Variants in PSD3 observed in about 807,000 individuals in gnomAD.
The protein encoded by PSD3 is pleckstrin and Sec7 domain containing 3.
A neutral mutation model predicts 105.5 loss-of-function variants in PSD3; 49 were observed. That is an observed-to-expected ratio of 0.46 (90% CI 0.37 to 0.59). The LOEUF is 0.59. PSD3 is among the 20% of genes least tolerant of loss of function. PSD3 has a pLI of 0.00. For missense variants in PSD3, 1,561 were observed against 1,263.8 expected, an observed-to-expected ratio of 1.24 and a Z score of -3.57; for synonymous variants, 557 against 457.8, an observed-to-expected ratio of 1.22 and a Z score of -2.77.
chr8:18,666,060 CT>C (rs971159201), intron 9 of PSD3, among the ~76,000 whole-genome samples: 7 of 151,210 alleles, frequency 4.6e-5, no homozygotes, highest in South Asian at 2.1e-4. Context: ...GTAAACATAC[CT>C]TTTTTTTTGA....
intron 8 of PSD3, among the ~76,000 whole-genome samples, chr8:18,770,336 C>T (rs1442915255): frequency 1.3e-5 from 2 of 151,932 alleles, no homozygotes; most frequent in Non-Finnish European, 2.9e-5. Context: ...TTTTATTATT[C>T]AGTTGTAAGA....
At chr8:19,029,614 G>A (rs1417472998) in intron 1 of PSD3, among the ~76,000 whole-genome samples, 4 of 152,090 alleles carry the variant, frequency 2.6e-5, no homozygotes, top group African/African-American at 9.7e-5. Context: ...AGTATCAAGA[G>A]AACAGCATGA....
intron 1 of PSD3, among the ~76,000 whole-genome samples, chr8:18,960,718 G>T (rs1378304146): frequency 6.6e-6 from 1 of 152,120 alleles, no homozygotes; most frequent in Non-Finnish European, 1.5e-5. Flanking sequence ...TTAAAGAGCT[G>T]AAAATGAGGC....
At chr8:18,914,017 G>T (rs1191675716) in intron 2 of PSD3, among the ~76,000 whole-genome samples, 1 of 151,966 alleles carries the variant, frequency 6.6e-6, no homozygotes, top group East Asian at 1.9e-4. Context: ...AGTAAACCCA[G>T]GCTCCAGACT....
At chr8:19,052,657 A>G (rs758397923) in intron 1 of PSD3, among the ~76,000 whole-genome samples, 16 of 152,094 alleles carry the variant, frequency 1.1e-4, no homozygotes, top group Non-Finnish European at 1.6e-4. Context: ...GCTAATTCGG[A>G]AGTCCAAGTT....
chr8:18,606,285 A>C (rs185185742), intron 11 of PSD3, among the ~76,000 whole-genome samples: 25 of 151,968 alleles, frequency 1.6e-4, no homozygotes, highest in Non-Finnish European at 3.4e-4. Context: ...TTGTGTGCTA[A>C]ATGCTGTGTA....
intron 2 of PSD3, among the ~76,000 whole-genome samples, chr8:18,902,007 CAAAAAAG>C (rs1177604611): frequency 1.3e-5 from 2 of 149,724 alleles, no homozygotes; most frequent in African/African-American, 2.5e-5. Context: ...GTGCCTCAGG[CAAAAAAG>C]AAAAAAGAAA....
chr8:18,570,535 C>T (rs890758042), intron 14 of PSD3, among the ~76,000 whole-genome samples: 9 of 148,996 alleles, frequency 6.0e-5, no homozygotes, highest in African/African-American at 2.0e-4. Context: ...AACAGGCAAC[C>T]TATAAAATGG....
chr8:19,075,026 A>G (rs1829421137), intron 1 of PSD3, among the ~76,000 whole-genome samples: 2 of 151,626 alleles, frequency 1.3e-5, no homozygotes, highest in East Asian at 1.9e-4. Flanking sequence ...GCTCACTACA[A>G]ACTCTGCCTC....
intron 2 of PSD3, among the ~76,000 whole-genome samples, chr8:18,920,017 TA>T (rs11288084): frequency 0.078 from 8,895 of 114,572 alleles, 740 homozygotes; most frequent in African/African-American, 0.24. Context: ...ATAAATAAAT[TA>T]AAAAAAAAAA....
At chr8:18,858,603 CTTTA>C (rs1816206853) in intron 4 of PSD3, among the ~76,000 whole-genome samples, 1 of 152,124 alleles carries the variant, frequency 6.6e-6, no homozygotes. Flanking sequence ...CTTGCCACTG[CTTTA>C]TTAAGTTTAT....
chr8:18,593,506 A>C (rs890468406), intron 12 of PSD3, among the ~76,000 whole-genome samples: 1 of 152,148 alleles, frequency 6.6e-6, no homozygotes, highest in Non-Finnish European at 1.5e-5. Context: ...AGAAATAGGA[A>C]CACTTTTACA....
intron 11 of PSD3, among the ~76,000 whole-genome samples, chr8:18,614,955 T>C (rs1805547293): frequency 6.6e-6 from 1 of 152,124 alleles, no homozygotes; most frequent in Non-Finnish European, 1.5e-5. Flanking sequence ...ATAAAGTATA[T>C]CTGACTGAAG....
chr8:18,563,046 T>C lies in PSD3; in HGVS notation c.2785-6694A>G, dbSNP rs529188587. ...TACGTCATATGCTTAGCACAAAATA[T>C]ACCCTGACCTTTGTGTGAGTTTTAT... On this transcript the variant is annotated intron_variant, in intron 14 of 15. Transcript: ENST00000327040. Among the ~76,000 whole-genome samples, 9 of 152,318 alleles carry C rather than the reference T, an allele frequency of 5.9e-5. No homozygotes were observed. In the South Asian group the frequency reaches 1.0e-3, roughly 18 times the overall value.
At chr8:18,942,412 T>C (rs1352067388) in intron 1 of PSD3, among the ~76,000 whole-genome samples, 2 of 152,104 alleles carry the variant, frequency 1.3e-5, no homozygotes, top group Non-Finnish European at 2.9e-5. Flanking sequence ...ACAACTTAAG[T>C]GCAGACAGGG....
rs542930851 is a variant in PSD3, at chr8:19,038,091, G to A, written c.324+46115C>T. 2.6e-5 allele frequency among the ~76,000 whole-genome samples: 4 copies of A among 152,008 alleles called. No individual in the cohort carries two copies. In the South Asian group the frequency reaches 8.3e-4, roughly 32 times the overall value. On this transcript the variant is annotated intron_variant, in intron 1 of 1. Transcript: ENST00000521475. ...TGAATCCTGATCTATCCTTAGCCCT[G>A]TGCAGTGCTTATCAAACCATATCAC... is the stretch of plus-strand genomic sequence containing the variant.
rs887181329 is a variant in PSD3, at chr8:18,529,670, TCTAG to T, written c.*6069_*6072del. The T allele has an allele frequency of 3.3e-5, 5 of 152,650 alleles. No individual in the cohort carries two copies. Among genetic ancestry groups the T allele is most frequent in the Non-Finnish European group, 5.9e-5 (4 of 68,038 alleles). The allele number at this position is 152,650 out of a possible 1,614,324, so 9.5% of individuals were successfully genotyped here. Reference sequence around the variant, plus strand: ...AATCAATGTGCATATATATACTCTCTCTAGAGTAGATATTATTATCCATATCAAA... The same window carrying T: ...AATCAATGTGCATATATATACTCTCTAGTAGATATTATTATCCATATCAAA... On this transcript the variant is annotated 3_prime_UTR_variant, in exon 16 of 16. Transcript: ENST00000327040.
intron 8 of PSD3, among the ~76,000 whole-genome samples, chr8:18,790,124 C>T (rs936213558): frequency 1.3e-5 from 2 of 151,962 alleles, no homozygotes; most frequent in African/African-American, 4.8e-5. Context: ...GGAAAGAAGG[C>T]TTTCATTCTA....
At chr8:19,055,472 C>T (rs28437015) in intron 1 of PSD3, among the ~76,000 whole-genome samples, 2,737 of 152,238 alleles carry the variant, frequency 0.018, 67 homozygotes, top group African/African-American at 0.062. Context: ...AGGCTGGTCT[C>T]GAACTCCTGA....
Sources: gnomAD v4.1 joint callset for allele counts (sites outside exome capture counted in the v4.1 genomes callset) on GRCh38, gnomAD v4.1.1 for gene constraint, MANE v1.5 for transcripts, NCBI Gene and HGNC (gene_info 2026-07-23, HGNC 2026-07-21) for gene names.